GNA11: variants seen among roughly 807,000 people sequenced by gnomAD.
GNA11 encodes the protein G protein subunit alpha 11.
In GNA11, 8 loss-of-function variants were observed where a neutral mutation model predicts 38.2. The observed-to-expected ratio is 0.21, with a 90% CI of 0.12 to 0.38. The LOEUF is 0.38. Among genes scored for constraint, GNA11 ranks in the 10% least tolerant of loss-of-function variants. GNA11 has a pLI of 1.00. For synonymous variants in GNA11, 211 were observed against 221.4 expected (o/e 0.95, Z 0.42); for missense variants, 268 against 516.3 (o/e 0.52, Z 4.66).
rs966854111 is a variant in GNA11, at chr19:3,119,062, T to C, written c.735+9T>C. ...TGGAGTCGGACAACGAGGTGGGCCCTGCCCTGAGCAGGGGCAGCGTTGGGG... is the reference window on the plus strand; with the variant it reads ...TGGAGTCGGACAACGAGGTGGGCCCCGCCCTGAGCAGGGGCAGCGTTGGGG... On this transcript the variant is annotated intron_variant, in intron 5 of 6. Transcript: ENST00000078429. This position sits in a 1 kb window ranked among gnomAD's most constrained non-coding sequence, Gnocchi z 4.6. 3.1e-6 allele frequency: 5 copies of C among 1,609,994 alleles called. No homozygotes were observed. Among genetic ancestry groups the C allele is most frequent in the Non-Finnish European group, 4.2e-6 (5 of 1,179,346 alleles).
Position 3,113,277 on chromosome 19 carries a change from G to A in GNA11, c.322-53G>A, listed in dbSNP as rs537484653. The stretch of plus-strand genomic sequence containing the variant: ...AAGAGGGGCCGTCACAAGCTTTCTG[G>A]TGGATGTGTGGCCCCAGCGAGCTCT... On this transcript the variant is annotated intron_variant, in intron 2 of 6. Transcript: ENST00000078429. The A allele has an allele frequency of 8.3e-6, 13 of 1,569,454 alleles. No homozygotes were observed. The African/African-American group carries it at 1.5e-4, about 18-fold the overall frequency.
At chr19:3,099,951 G>A (rs1056748878) in intron 1 of GNA11, among the ~76,000 whole-genome samples, 4 of 152,164 alleles carry the variant, frequency 2.6e-5, no homozygotes, top group East Asian at 3.9e-4. Context: ...CTCAGGGGGC[G>A]GTGGGGTGAG....
In GNA11 at chr19:3,121,625, C is replaced by T. The variant is rs890347122; in HGVS notation, c.*446C>T. ...CCGCAGCCCCCCGTGGCTGTCCTTC[C>T]AACCCCACGTGCTTTTTCTTTCTCC... On this transcript the variant is annotated 3_prime_UTR_variant, in exon 7 of 7. Coordinates refer to ENST00000078429, the MANE Select transcript of GNA11 (RefSeq NM_002067.5). 8.6e-6 allele frequency: 2 copies of T among 233,534 alleles called. No individual in the cohort carries two copies. Among genetic ancestry groups the T allele is most frequent in the Admixed American group, 1.1e-4 (2 of 17,810 alleles). The allele number at this position is 233,534 out of a possible 1,614,324, so 14.5% of individuals were successfully genotyped here. A position where few individuals can be genotyped will look rare whatever the true frequency, so the allele number is the denominator to read the frequency against.
At chr19:3,109,830 C>T (rs980777760) in intron 1 of GNA11, among the ~76,000 whole-genome samples, 3 of 152,190 alleles carry the variant, frequency 2.0e-5, no homozygotes, top group Non-Finnish European at 4.4e-5. Flanking sequence ...CGGTGCCGTG[C>T]GACTTGATTT....
intron 1 of GNA11, among the ~76,000 whole-genome samples, chr19:3,097,554 T>C (rs900454928): frequency 3.9e-5 from 6 of 152,190 alleles, no homozygotes; most frequent in Admixed American, 1.3e-4. Flanking sequence ...AGGTGGAGCA[T>C]GTTCTGGAAG....
chr19:3,099,322 A>T (rs1330249675), intron 1 of GNA11, among the ~76,000 whole-genome samples: 2 of 152,240 alleles, frequency 1.3e-5, no homozygotes, highest in East Asian at 3.9e-4. Flanking sequence ...TGCGTGGAGG[A>T]TGGGAAGCCT....
intron 4 of GNA11, chr19:3,118,311 C>T (rs1441875834): frequency 6.6e-6 from 1 of 152,302 alleles, no homozygotes; most frequent in Non-Finnish European, 1.5e-5. Context: ...GGAACGCACG[C>T]CCGCAGACAT....
At position 3,094,535 on chromosome 19, in the gene GNA11, C is replaced by A; in HGVS notation, c.-117C>A. 1 of 223,478 alleles carries A rather than the reference C, an allele frequency of 4.5e-6. No individual in the cohort carries two copies. Among genetic ancestry groups the A allele is most frequent in the African/African-American group, 2.5e-5 (1 of 39,904 alleles). The allele number at this position is 223,478 out of a possible 1,614,324, so 13.8% of individuals were successfully genotyped here. ...GGCGGGCCGGCCCGGGGCCGAGGGC[C>A]GGTGGCCGAGGCCGGAGGGCCGCGG... On this transcript the variant is annotated 5_prime_UTR_variant, in exon 1 of 7. Coordinates refer to ENST00000078429, the MANE Select transcript of GNA11 (RefSeq NM_002067.5). The surrounding 1 kb of genome is among the most constrained non-coding windows in gnomAD (Gnocchi z 6.0).
Position 3,113,304 on chromosome 19 carries a change from G to A in GNA11, c.322-26G>A, listed in dbSNP as rs778324960. ...GGATGTGTGGCCCCAGCGAGCTCTC[G>A]ACGTCTCCCCTGCCCGCCCTCGCAG... On this transcript the variant is annotated intron_variant, in intron 2 of 6. Coordinates refer to ENST00000078429, the MANE Select transcript of GNA11 (RefSeq NM_002067.5). The A allele has an allele frequency of 1.1e-5, 17 of 1,608,228 alleles. No homozygotes were observed. In the Admixed American group the frequency reaches 1.2e-4, roughly 11 times the overall value.
intron 2 of GNA11, among the ~76,000 whole-genome samples, chr19:3,112,999 G>T (rs967553335): frequency 5.3e-5 from 8 of 152,204 alleles, no homozygotes; most frequent in African/African-American, 1.9e-4. Context: ...TGGGTCCTGG[G>T]TTTGAAGTGT....
rs1914125048 is a variant in GNA11 at position 3,123,031 on chromosome 19, C to G, written c.*1852C>G. The G allele has an allele frequency of 4.3e-6, 1 of 233,216 alleles. No individual in the cohort carries two copies. The highest frequency in any genetic ancestry group is 8.5e-6 in the Non-Finnish European group (1 of 118,078). The allele number at this position is 233,216 out of a possible 1,614,324, so 14.4% of individuals were successfully genotyped here. On this transcript the variant is annotated 3_prime_UTR_variant, in exon 7 of 7. Coordinates refer to ENST00000078429, the MANE Select transcript of GNA11 (RefSeq NM_002067.5). ...AGGTGTCTACCTAAGAGGGTTGGTG[C>G]CAGAAGCCCCCCATGGCGAGTGCTG...
At position 3,094,535 on chromosome 19, in the gene GNA11, C is replaced by G. The variant is rs1231797571; in HGVS notation, c.-117C>G. On this transcript the variant is annotated 5_prime_UTR_variant, in exon 1 of 7. Coordinates refer to ENST00000078429, the MANE Select transcript of GNA11 (RefSeq NM_002067.5). This position sits in a 1 kb window ranked among gnomAD's most constrained non-coding sequence, Gnocchi z 6.0. ...GGCGGGCCGGCCCGGGGCCGAGGGC[C>G]GGTGGCCGAGGCCGGAGGGCCGCGG... 8.9e-6 allele frequency: 2 copies of G among 223,464 alleles called. No homozygotes were observed. The allele number at this position is 223,464 out of a possible 1,614,324, so 13.8% of individuals were successfully genotyped here. A position where few individuals can be genotyped will look rare whatever the true frequency, so the allele number is the denominator to read the frequency against.
rs1160376571 is a variant in GNA11 at position 3,123,679 on chromosome 19, T to C, written c.*2500T>C. On this transcript the variant is annotated 3_prime_UTR_variant, in exon 7 of 7. Transcript: ENST00000078429. ...GCATCCCCGTGCCAATGTCCCCCAG[T>C]GGTGGCAGCAGATCCTGTGGCCGGC... 4.3e-6 allele frequency: 1 copy of C among 233,010 alleles called. No individual in the cohort carries two copies. Among genetic ancestry groups the C allele is most frequent in the Non-Finnish European group, 8.5e-6 (1 of 117,930 alleles). 14.4% of individuals were successfully genotyped at this position (233,010 alleles called of 1,614,324 possible).
chr19:3,096,353 A>G (rs923467283), intron 1 of GNA11, among the ~76,000 whole-genome samples: 10 of 152,136 alleles, frequency 6.6e-5, no homozygotes, highest in African/African-American at 2.4e-4. Flanking sequence ...GCGTGGTGGC[A>G]CTTTGCACAG....
At position 3,114,545 on chromosome 19, in the gene GNA11, G is replaced by T. The variant is rs925423189; in HGVS notation, c.477-399G>T. 4.6e-5 allele frequency among the ~76,000 whole-genome samples: 7 copies of T among 152,180 alleles called. No homozygotes were observed. The East Asian group carries it at 5.8e-4, about 13-fold the overall frequency. ...GCAGCTGCGACTCTCCTAATGATGC[G>T]CTTGTTTGTGAAGCCTCATCCCTGG... On this transcript the variant is annotated intron_variant, in intron 3 of 6. Transcript: ENST00000078429.
chr19:3,107,555 TGTGA>T (rs1364369853), intron 1 of GNA11, among the ~76,000 whole-genome samples: 1 of 152,190 alleles, frequency 6.6e-6, no homozygotes, highest in Non-Finnish European at 1.5e-5. Flanking sequence ...TTTCAGTGTG[TGTGA>T]GTGTTTGCTG....
At chr19:3,101,543 A>G (rs1258299174) in intron 1 of GNA11, among the ~76,000 whole-genome samples, 3 of 122,558 alleles carry the variant, frequency 2.4e-5, no homozygotes, top group African/African-American at 6.5e-5. Context: ...TGGCCTGGGT[A>G]GATGTCTGGA....
intron 1 of GNA11, among the ~76,000 whole-genome samples, chr19:3,096,982 C>A (rs1178618221): frequency 2.6e-5 from 4 of 152,160 alleles, no homozygotes; most frequent in African/African-American, 7.2e-5. Context: ...AACCTTGCAT[C>A]CCAGCTGGAG....
At chr19:3,116,431 C>G (rs910264351) in intron 4 of GNA11, among the ~76,000 whole-genome samples, 6 of 152,072 alleles carry the variant, frequency 3.9e-5, no homozygotes, top group African/African-American at 1.4e-4. Flanking sequence ...AGGCCTCACT[C>G]GGCTCCTAGT....
Sources: allele counts gnomAD v4.1 joint callset (sites outside exome capture counted in the v4.1 genomes callset), GRCh38; gene constraint gnomAD v4.1.1; non-coding constraint Gnocchi (gnomAD v3.1); transcripts MANE v1.5; gene names NCBI Gene and HGNC (gene_info 2026-07-23, HGNC 2026-07-21).